Variants in FUBP1 observed in about 807,000 individuals in gnomAD.
The protein encoded by FUBP1 is far upstream element binding protein 1.
A neutral mutation model predicts 94.9 loss-of-function variants in FUBP1; 16 were observed. That is an observed-to-expected ratio of 0.17 (90% confidence interval 0.11 to 0.26). FUBP1 has a LOEUF of 0.26. Among genes scored for constraint, FUBP1 ranks in the 10% least tolerant of loss-of-function variants. The pLI is 1.00. For missense variants in FUBP1, 583 were observed against 808.6 expected, an observed-to-expected ratio of 0.72 and a Z score of 3.38; for synonymous variants, 279 against 254.9, an observed-to-expected ratio of 1.09 and a Z score of -0.90.
intron 2 of FUBP1, among the ~76,000 whole-genome samples, chr1:77,969,617 T>C (rs945376027): frequency 2.0e-5 from 3 of 152,158 alleles, no homozygotes; most frequent in Non-Finnish European, 4.4e-5. Context: ...GCAATTTATA[T>C]GTTTTTTAAT....
chr1:77,948,338 CTTAAT>C lies in FUBP1; in HGVS notation c.*423_*427del. The C allele has an allele frequency of 3.8e-6, 4 of 1,052,234 alleles. No homozygotes were observed. Among genetic ancestry groups the C allele is most frequent in the Non-Finnish European group, 3.5e-6 (3 of 867,208 alleles). The allele number at this position is 1,052,234 out of a possible 1,614,324, so 65.2% of individuals were successfully genotyped here. A position where few individuals can be genotyped will look rare whatever the true frequency, so the allele number is the denominator to read the frequency against. ...AGCTTATATATTTGTGTATATGTAT[CTTAAT>C]TTATCATTGCTAAGAAATTATGAAT... On this transcript the variant is annotated 3_prime_UTR_variant, in exon 20 of 20. Transcript: ENST00000370768.
intron 1 of FUBP1, among the ~76,000 whole-genome samples, chr1:77,973,456 G>A (rs764975474): frequency 2.0e-5 from 3 of 151,732 alleles, no homozygotes; most frequent in Non-Finnish European, 4.4e-5. Context: ...TTGTTGGCCA[G>A]GCTGGTCTTG....
chr1:77,973,537 T>C (rs114894820), intron 1 of FUBP1, among the ~76,000 whole-genome samples: 2,360 of 152,344 alleles, frequency 0.015, 51 homozygotes, highest in African/African-American at 0.053. Flanking sequence ...TAAGCCACCA[T>C]GCCTGGCTAC....
intron 18 of FUBP1, among the ~76,000 whole-genome samples, chr1:77,952,614 C>A (rs912795401): frequency 6.6e-5 from 10 of 152,124 alleles, no homozygotes; most frequent in African/African-American, 2.4e-4. Flanking sequence ...TTCCCTTTCT[C>A]CTTCCATTTA....
At chr1:77,964,521 GTATTC>G in intron 10 of FUBP1, 120 bp downstream of exon 10, 1 of 679,812 alleles carries the variant, frequency 1.5e-6, no homozygotes, top group Non-Finnish European at 2.5e-6. Flanking sequence ...ATAGAATTCT[GTATTC>G]TAAAGTATAA....
chr1:77,958,772 T>G (rs1654934704), intron 16 of FUBP1, among the ~76,000 whole-genome samples: 4 of 152,174 alleles, frequency 2.6e-5, no homozygotes, highest in Admixed American at 2.6e-4. Context: ...AAAAATACAA[T>G]CCTGGCAGAT....
At chr1:77,974,836 G>A (rs1658305863) in intron 1 of FUBP1, among the ~76,000 whole-genome samples, 1 of 152,174 alleles carries the variant, frequency 6.6e-6, no homozygotes, top group African/African-American at 2.4e-5. Context: ...ATTAACTTCT[G>A]AGACTCAGAA....
chr1:77,947,712 TA>T lies in FUBP1; in HGVS notation c.*1053del. On this transcript the variant is annotated 3_prime_UTR_variant, in exon 20 of 20. Transcript: ENST00000370768. Reference sequence around the variant, plus strand: ...GAGTAATAAAATGACTTCAAGTACATAAAAAAATTAAGTTGATTCAATGATT... The same window carrying T: ...GAGTAATAAAATGACTTCAAGTACATAAAAAATTAAGTTGATTCAATGATT... 2 of 549,514 alleles carry T rather than the reference TA, an allele frequency of 3.6e-6. No individual in the cohort carries two copies. Among genetic ancestry groups the T allele is most frequent in the Non-Finnish European group, 3.0e-6 (1 of 329,018 alleles). The allele number at this position is 549,514 out of a possible 1,614,324, so 34.0% of individuals were successfully genotyped here. A position where few individuals can be genotyped will look rare whatever the true frequency, so the allele number is the denominator to read the frequency against.
rs2102420918 is a variant in FUBP1, at chr1:77,966,891, T to C, written c.408A>G (p.Ile136Met). The change falls in exon 6 of 20, where the codon ATA becomes ATG. Residue 136 changes from isoleucine to methionine, a missense_variant. By Grantham distance (10) the Ile-to-Met change is conservative (BLOSUM62 1). Coordinates refer to ENST00000370768, the MANE Select transcript of FUBP1 (RefSeq NM_003902.5). ...IQQESGCKIQ[I>M]APDSGGLPER... ...ATGAGAATGTAACATTACCAGGAGCTATCTGTATTTTGCATCCAGATTCCT... is the reference window on the plus strand; with the variant it reads ...ATGAGAATGTAACATTACCAGGAGCCATCTGTATTTTGCATCCAGATTCCT... 6.4e-7 allele frequency: 1 copy of C among 1,565,732 alleles called. No individual in the cohort carries two copies. The highest frequency in any genetic ancestry group is 8.8e-7 in the Non-Finnish European group (1 of 1,136,320).
chr1:77,958,141 C>G (rs1654815390), intron 16 of FUBP1, among the ~76,000 whole-genome samples: 1 of 152,074 alleles, frequency 6.6e-6, no homozygotes, highest in African/African-American at 2.4e-5. Flanking sequence ...TTACACTATG[C>G]CTGGATAGAG....
At chr1:77,964,833 C>A in intron 9 of FUBP1, 37 bp downstream of exon 9, 1 of 1,508,262 alleles carries the variant, frequency 6.6e-7, no homozygotes, top group South Asian at 1.1e-5. Flanking sequence ...CCCCATTCAA[C>A]CCACTCTTTC....
chr1:77,960,486 T>TTAC lies in FUBP1; in HGVS notation c.1351_1353dup (p.Val451dup). On this transcript the variant is annotated inframe_insertion, in exon 15 of 20. Transcript: ENST00000370768. ...TGGGGTACAGGTGGCCCTAAAGGAT[T>TTAC]TACTGGGCCCTACAAAAAAAAGGAT... 6.2e-7 allele frequency: 1 copy of TTAC among 1,600,966 alleles called. No homozygotes were observed. The highest frequency in any genetic ancestry group is 8.5e-7 in the Non-Finnish European group (1 of 1,175,642).
chr1:77,971,225 G>A (rs772312297), intron 1 of FUBP1, among the ~76,000 whole-genome samples: 2 of 152,140 alleles, frequency 1.3e-5, no homozygotes, highest in Non-Finnish European at 2.9e-5. Flanking sequence ...GCTCCACACT[G>A]CAATGCTGTA....
At chr1:77,958,652 G>A (rs750363057) in intron 16 of FUBP1, among the ~76,000 whole-genome samples, 28 of 152,190 alleles carry the variant, frequency 1.8e-4, no homozygotes, top group Non-Finnish European at 3.7e-4. Flanking sequence ...TCTTACAGTA[G>A]TGACTTCACT....
At position 77,944,143 on chromosome 1, in the gene FUBP1, A is replaced by C. The variant is rs1366720149; in HGVS notation, c.*4623T>G. On this transcript the variant is annotated 3_prime_UTR_variant, in exon 20 of 20. Coordinates refer to ENST00000370768, the MANE Select transcript of FUBP1 (RefSeq NM_003902.5). ...TGACCTTTTACATACAATGTCATTA[A>C]AGCAAACTCTAAACCACAGTTGTAA... 1 of 192,788 alleles carries C rather than the reference A, an allele frequency of 5.2e-6. No individual in the cohort carries two copies. Among genetic ancestry groups the C allele is most frequent in the Non-Finnish European group, 1.1e-5 (1 of 92,066 alleles). 11.9% of individuals were successfully genotyped at this position (192,788 alleles called of 1,614,324 possible). A position where few individuals can be genotyped will look rare whatever the true frequency, so the allele number is the denominator to read the frequency against.
intron 18 of FUBP1, among the ~76,000 whole-genome samples, chr1:77,950,375 G>C (rs979443263): frequency 6.6e-6 from 1 of 152,142 alleles, no homozygotes; most frequent in African/African-American, 2.4e-5. Context: ...GTCCAGGCTG[G>C]TCCTGAACTC....
rs202076906 is a variant in FUBP1 at position 77,962,827 on chromosome 1, A to G, written c.1287T>C (p.Ile429=). The change falls in exon 14 of 20, where the codon ATT becomes ATC. Residue 429 remains isoleucine, a synonymous_variant. Coordinates refer to ENST00000370768, the MANE Select transcript of FUBP1 (RefSeq NM_003902.5). ...NADPNMKLFT[I]RGTPQQIDYA... ...AGTCTATCTGTTGTGGAGTGCCACG[A>G]ATTGTAAATAACTTCATATTAGGAT... 3,501 of 1,612,264 alleles carry G rather than the reference A, an allele frequency of 2.2e-3. 87 individuals are homozygous for G. The South Asian group carries it at 0.036, about 17-fold the overall frequency.
intron 8 of FUBP1, 34 bp from the exon 9 acceptor site, chr1:77,965,002 A>C: frequency 1.3e-6 from 2 of 1,593,968 alleles, no homozygotes; most frequent in South Asian, 2.2e-5. Flanking sequence ...TATATTAACA[A>C]AAGGAAGTGG....
intron 1 of FUBP1, among the ~76,000 whole-genome samples, chr1:77,976,139 G>A (rs1403330052): frequency 6.6e-6 from 1 of 152,156 alleles, no homozygotes; most frequent in Admixed American, 6.5e-5. Flanking sequence ...ATAAACTTAG[G>A]ATTAGTTGAG....
Sources: allele counts gnomAD v4.1 joint callset (sites outside exome capture counted in the v4.1 genomes callset), GRCh38; gene constraint gnomAD v4.1.1; transcripts MANE v1.5; gene names NCBI Gene and HGNC (gene_info 2026-07-23, HGNC 2026-07-21).